The following ZSWIM5 variants were observed in gnomAD, a reference collection of about 807,000 sequenced individuals.
The protein encoded by ZSWIM5 is zinc finger SWIM domain-containing protein 5.
Under a neutral mutation model 119.6 loss-of-function variants are expected in ZSWIM5, and 55 were observed. The ratio of observed to expected loss-of-function variants is 0.46; its 90% CI spans 0.37 to 0.58. ZSWIM5 has a LOEUF of 0.58. ZSWIM5 is among the 20% of genes least tolerant of loss of function. The pLI, the probability that ZSWIM5 is intolerant of heterozygous loss-of-function variation, is 0.00. For missense variants in ZSWIM5, 1,193 were observed against 1,512.8 expected (o/e 0.79, Z 3.51); for synonymous variants, 537 against 606.9 (o/e 0.88, Z 1.69).
chr1:45,190,775 C>T (rs1490047025), intron 1 of ZSWIM5, among the ~76,000 whole-genome samples: 1 of 152,020 alleles, frequency 6.6e-6, no homozygotes, highest in Non-Finnish European at 1.5e-5. Context: ...TAGGGATCAA[C>T]ATCTGTGAAA....
Position 45,199,048 on chromosome 1 carries a change from T to C in ZSWIM5, c.595+6708A>G, listed in dbSNP as rs182369395. On this transcript the variant is annotated intron_variant, in intron 1 of 13. Coordinates refer to ENST00000359600, the MANE Select transcript of ZSWIM5 (RefSeq NM_020883.2). Reference sequence around the variant, plus strand: ...TGTTTTCCAATGTAGCTGCACCATTTTGCATTCATGCCATACATTACATAC... The same window carrying C: ...TGTTTTCCAATGTAGCTGCACCATTCTGCATTCATGCCATACATTACATAC... 4.6e-5 allele frequency among the ~76,000 whole-genome samples: 7 copies of C among 152,322 alleles called. No individual in the cohort carries two copies. The East Asian group carries it at 1.3e-3, about 29-fold the overall frequency.
At chr1:45,029,845 T>C (rs1644941602) in intron 11 of ZSWIM5, among the ~76,000 whole-genome samples, 1 of 152,230 alleles carries the variant, frequency 6.6e-6, no homozygotes, top group African/African-American at 2.4e-5. Context: ...CATCTGTTGA[T>C]GAACATTTGG....
chr1:45,029,136 A>G (rs969367905), intron 11 of ZSWIM5, among the ~76,000 whole-genome samples: 1 of 152,204 alleles, frequency 6.6e-6, no homozygotes, highest in African/African-American at 2.4e-5. Context: ...ATTAACAGAT[A>G]TATTCCTACC....
intron 2 of ZSWIM5, among the ~76,000 whole-genome samples, chr1:45,080,476 TC>T (rs759948355): frequency 5.5e-4 from 84 of 152,324 alleles, no homozygotes; most frequent in Admixed American, 3.3e-3. Context: ...CAAAATGCTT[TC>T]CACACCATGC....
intron 2 of ZSWIM5, among the ~76,000 whole-genome samples, chr1:45,086,626 G>C (rs1380559496): frequency 6.6e-6 from 1 of 152,000 alleles, no homozygotes; most frequent in Non-Finnish European, 1.5e-5. Flanking sequence ...CACCCCGGGG[G>C]CTGTCGCGGG....
At chr1:45,079,996 G>C (rs1645279714) in intron 2 of ZSWIM5, among the ~76,000 whole-genome samples, 2 of 152,156 alleles carry the variant, frequency 1.3e-5, no homozygotes. Flanking sequence ...TGGTATCCAA[G>C]ATGCAAGACA....
chr1:45,102,504 T>C (rs1411940830), intron 1 of ZSWIM5, among the ~76,000 whole-genome samples: 1 of 152,238 alleles, frequency 6.6e-6, no homozygotes. Context: ...TCAATGTAAT[T>C]GTCTTCACAT....
intron 1 of ZSWIM5, among the ~76,000 whole-genome samples, chr1:45,104,349 A>G (rs1366324038): frequency 1.3e-5 from 2 of 152,244 alleles, no homozygotes; most frequent in Non-Finnish European, 2.9e-5. Context: ...CTATCGATAC[A>G]AACAGATTAG....
intron 1 of ZSWIM5, among the ~76,000 whole-genome samples, chr1:45,104,020 A>C (rs1645455110): frequency 6.6e-6 from 1 of 152,246 alleles, no homozygotes; most frequent in African/African-American, 2.4e-5. Flanking sequence ...TCAGTTAAAA[A>C]GGATATGCAA....
chr1:45,158,019 T>C (rs936734868), intron 1 of ZSWIM5, among the ~76,000 whole-genome samples: 14 of 152,228 alleles, frequency 9.2e-5, no homozygotes, highest in Non-Finnish European at 1.9e-4. Context: ...GTTTTCTTTT[T>C]ATAATTGAGT....
Position 45,048,259 on chromosome 1 carries a change from C to T in ZSWIM5, c.1432+2815G>A, listed in dbSNP as rs533415530. On this transcript the variant is annotated intron_variant, in intron 5 of 13. Transcript: ENST00000359600. Reference sequence around the variant, plus strand: ...TTCACCATGTTGCCCAGGCTGGTCTCGAACTCCTGAGTTCAAGGGTTCTGC... The same window carrying T: ...TTCACCATGTTGCCCAGGCTGGTCTTGAACTCCTGAGTTCAAGGGTTCTGC... Among the ~76,000 whole-genome samples the T allele has an allele frequency of 1.3e-3, 203 of 151,866 alleles. 1 individual carries two copies. The highest frequency in any genetic ancestry group is 4.4e-3 in the African/African-American group (182 of 41,410).
rs775318969 is a variant in ZSWIM5 at position 45,057,370 on chromosome 1, T to A, written c.1252+1239A>T. Reference sequence around the variant, plus strand: ...TGCCAGAAGCAAGAGTTTTTCATAATGAACCCAAGTATATAACAAGAGTTT... The same window carrying A: ...TGCCAGAAGCAAGAGTTTTTCATAAAGAACCCAAGTATATAACAAGAGTTT... On this transcript the variant is annotated intron_variant, in intron 4 of 13. Coordinates refer to ENST00000359600, the MANE Select transcript of ZSWIM5 (RefSeq NM_020883.2). The surrounding 1 kb of genome is among the most constrained non-coding windows in gnomAD (Gnocchi z 4.7). Among the ~76,000 whole-genome samples, 1 of 152,260 alleles carries A rather than the reference T, an allele frequency of 6.6e-6. No homozygotes were observed. Among genetic ancestry groups the A allele is most frequent in the Non-Finnish European group, 1.5e-5 (1 of 68,050 alleles).
intron 2 of ZSWIM5, among the ~76,000 whole-genome samples, chr1:45,080,247 T>C (rs76109673): frequency 0.021 from 3,126 of 152,254 alleles, 115 homozygotes; most frequent in African/African-American, 0.072. Flanking sequence ...TCGAGTTTAT[T>C]TAAGGCCCCA....
chr1:45,031,600 G>A (rs927063328), intron 11 of ZSWIM5, among the ~76,000 whole-genome samples: 1 of 151,970 alleles, frequency 6.6e-6, no homozygotes. Context: ...AGCACTTTGG[G>A]AGGCTGAGGT....
At chr1:45,074,145 T>C (rs1645241938) in intron 2 of ZSWIM5, among the ~76,000 whole-genome samples, 1 of 152,034 alleles carries the variant, frequency 6.6e-6, no homozygotes, top group Admixed American at 6.5e-5. Context: ...AGTATTTTGT[T>C]GAGGATTTTT....
chr1:45,167,673 C>G (rs532092245), intron 1 of ZSWIM5, among the ~76,000 whole-genome samples: 1 of 152,114 alleles, frequency 6.6e-6, no homozygotes, highest in African/African-American at 2.4e-5. Context: ...AGGATATGAA[C>G]TGACACTTCT....
chr1:45,171,234 AT>A (rs1645944525), intron 1 of ZSWIM5, among the ~76,000 whole-genome samples: 1 of 152,092 alleles, frequency 6.6e-6, no homozygotes, highest in Admixed American at 6.6e-5. Flanking sequence ...CTCCAGGTAC[AT>A]TTTCAATTCT....
intron 1 of ZSWIM5, among the ~76,000 whole-genome samples, chr1:45,094,276 G>C (rs986997892): frequency 3.3e-5 from 5 of 151,728 alleles, no homozygotes; most frequent in African/African-American, 1.2e-4. Context: ...GGATGGTCTC[G>C]ATCTCCTGAC....
chr1:45,107,598 C>A (rs918216628), intron 1 of ZSWIM5, among the ~76,000 whole-genome samples: 2 of 142,024 alleles, frequency 1.4e-5, no homozygotes, highest in African/African-American at 5.4e-5. Flanking sequence ...GCCGAGATCA[C>A]ACCACTGCAC....
Sources: allele counts gnomAD v4.1 joint callset (sites outside exome capture counted in the v4.1 genomes callset), GRCh38; gene constraint gnomAD v4.1.1; non-coding constraint Gnocchi (gnomAD v3.1); transcripts MANE v1.5; gene names NCBI Gene and HGNC (gene_info 2026-07-23, HGNC 2026-07-21).